Variants in FBXL17 observed in about 807,000 individuals in gnomAD.
The protein encoded by FBXL17 is F-box/LRR-repeat protein 17.
FBXL17 carries 22 observed loss-of-function variants against 66.2 expected under a neutral mutation model. The observed-to-expected ratio is 0.33, with a 90% CI of 0.24 to 0.47. The LOEUF (loss-of-function observed/expected upper bound fraction) is 0.47, where lower values mean the gene tolerates loss of function less well. Among genes scored for constraint, FBXL17 ranks in the 20% least tolerant of loss-of-function variants. The probability of loss-of-function intolerance (pLI) is 1.00; values close to 1 mark genes in which losing one functional copy is unlikely to be tolerated. For missense variants in FBXL17, 878 were observed against 948.2 expected (o/e 0.93, Z 0.97); for synonymous variants, 474 against 400.5 (o/e 1.18, Z -2.19).
chr5:108,125,032 G>A (rs1409473087), intron 6 of FBXL17, among the ~76,000 whole-genome samples: 1 of 151,800 alleles, frequency 6.6e-6, no homozygotes, highest in African/African-American at 2.4e-5. Flanking sequence ...GTTGTTCAAG[G>A]AAAAGGGCTA....
intron 6 of FBXL17, among the ~76,000 whole-genome samples, chr5:108,030,464 A>G (rs567739107): frequency 6.6e-6 from 1 of 152,280 alleles, no homozygotes; most frequent in South Asian, 2.1e-4. Context: ...CATGTCTGAC[A>G]GCCAGCAGAA....
intron 6 of FBXL17, among the ~76,000 whole-genome samples, chr5:108,089,464 T>C (rs941595951): frequency 6.6e-6 from 1 of 152,142 alleles, no homozygotes; most frequent in Non-Finnish European, 1.5e-5. Context: ...CACTCTCCCA[T>C]ACCATCCCCA....
chr5:107,988,875 A>C (rs184009311), intron 7 of FBXL17, among the ~76,000 whole-genome samples: 200 of 152,182 alleles, frequency 1.3e-3, no homozygotes, highest in Middle Eastern at 3.4e-3. Flanking sequence ...TTGGCCAAGA[A>C]AGAATCTTGT....
chr5:108,285,699 T>C (rs1323779770), intron 4 of FBXL17, among the ~76,000 whole-genome samples: 1 of 151,644 alleles, frequency 6.6e-6, no homozygotes, highest in Non-Finnish European at 1.5e-5. Flanking sequence ...TTGAAAACAG[T>C]GGGCTTTGTA....
chr5:108,103,469 A>C (rs930784160), intron 6 of FBXL17, among the ~76,000 whole-genome samples: 2 of 152,234 alleles, frequency 1.3e-5, no homozygotes, highest in Non-Finnish European at 2.9e-5. Flanking sequence ...AGTGGATCCT[A>C]TCGCTGCTAT....
rs140814824 is a variant in FBXL17 at position 108,291,597 on chromosome 5, T to C, written c.1506+56802A>G. On this transcript the variant is annotated intron_variant, in intron 4 of 8. Transcript: ENST00000542267. ...TAACAAACTTAAAAAATGAAAATAA[T>C]GAAGTGAGTTTGGGACCAGTATGCT... 3.6e-3 allele frequency among the ~76,000 whole-genome samples: 542 copies of C among 152,326 alleles called. 1 individual carries two copies. Among genetic ancestry groups the C allele is most frequent in the African/African-American group, 0.012 (518 of 41,568 alleles).
At position 107,881,199 on chromosome 5, in the gene FBXL17, G is replaced by T. The variant is rs1200124946; in HGVS notation, c.1823-20C>A. 6.7e-7 allele frequency: 1 copy of T among 1,492,236 alleles called. No homozygotes were observed. The highest frequency in any genetic ancestry group is 1.4e-5 in the African/African-American group (1 of 72,310). 92.4% of individuals were successfully genotyped at this position (1,492,236 alleles called of 1,614,324 possible). On this transcript the variant is annotated intron_variant, in intron 7 of 8. Transcript: ENST00000542267. ...TCAGTGCTGCAAGAAGGGACGCAGA[G>T]AAAGCATTAATGTTAGCAGTGTAAG...
intron 7 of FBXL17, among the ~76,000 whole-genome samples, chr5:107,978,041 G>C (rs570133350): frequency 5.3e-5 from 8 of 152,270 alleles, no homozygotes; most frequent in African/African-American, 1.7e-4. Context: ...ACAGATTGCT[G>C]GGCCCCATTC....
At chr5:108,034,075 G>C (rs1418518489) in intron 6 of FBXL17, among the ~76,000 whole-genome samples, 2 of 152,152 alleles carry the variant, frequency 1.3e-5, no homozygotes, top group Admixed American at 1.3e-4. Flanking sequence ...TCACATGCTA[G>C]TTCTTTGGGA....
intron 4 of FBXL17, among the ~76,000 whole-genome samples, chr5:108,338,422 A>G (rs1746655448): frequency 6.6e-6 from 1 of 152,156 alleles, no homozygotes; most frequent in African/African-American, 2.4e-5. Flanking sequence ...ATGTTTTATT[A>G]AAGTGAATGA....
At chr5:108,054,768 T>A (rs970152157) in intron 6 of FBXL17, among the ~76,000 whole-genome samples, 4 of 152,200 alleles carry the variant, frequency 2.6e-5, no homozygotes, top group African/African-American at 9.7e-5. Context: ...TTGCTGTCTC[T>A]AGATTGCCAG....
intron 4 of FBXL17, among the ~76,000 whole-genome samples, chr5:108,320,402 G>A (rs911065168): frequency 5.3e-5 from 8 of 151,656 alleles, no homozygotes; most frequent in African/African-American, 1.9e-4. Context: ...TGAATCAAGT[G>A]ATTGTAACTT....
intron 4 of FBXL17, among the ~76,000 whole-genome samples, chr5:108,327,374 ATTGT>A (rs1171683964): frequency 6.6e-6 from 1 of 152,184 alleles, no homozygotes; most frequent in East Asian, 1.9e-4. Context: ...TAACCTTCTT[ATTGT>A]TTAAGCAAAC....
chr5:108,250,945 T>C (rs2150113061), intron 4 of FBXL17, among the ~76,000 whole-genome samples: 1 of 152,210 alleles, frequency 6.6e-6, no homozygotes, highest in African/African-American at 2.4e-5. Flanking sequence ...CAGTATTCTA[T>C]CACATGAAAA....
chr5:108,204,170 C>CATCT (rs1231831815), intron 5 of FBXL17, among the ~76,000 whole-genome samples: 1 of 151,898 alleles, frequency 6.6e-6, no homozygotes, highest in African/African-American at 2.4e-5. Context: ...AATTCTCTAC[C>CATCT]ATCTTAATAG....
chr5:107,958,461 T>G (rs1751754776), intron 7 of FBXL17, among the ~76,000 whole-genome samples: 1 of 152,200 alleles, frequency 6.6e-6, no homozygotes, highest in Non-Finnish European at 1.5e-5. Context: ...ATATAGTTTT[T>G]CCTACTTCCT....
At chr5:108,264,433 C>T (rs115480689) in intron 4 of FBXL17, among the ~76,000 whole-genome samples, 1 of 151,224 alleles carries the variant, frequency 6.6e-6, no homozygotes, top group Non-Finnish European at 1.5e-5. Flanking sequence ...TTTAAACTGG[C>T]CAAAAAAGAG....
chr5:108,124,313 C>A (rs949882196), intron 6 of FBXL17, among the ~76,000 whole-genome samples: 6 of 151,956 alleles, frequency 3.9e-5, no homozygotes, highest in Non-Finnish European at 8.8e-5. Flanking sequence ...CAGAGTGATG[C>A]AGGAAAACTT....
In FBXL17 at chr5:108,340,485, A is replaced by G. The variant is rs376870915; in HGVS notation, c.1506+7914T>C. Among the ~76,000 whole-genome samples the G allele has an allele frequency of 2.6e-4, 40 of 152,310 alleles. 1 individual carries two copies. The Middle Eastern group carries it at 0.01, about 39-fold the overall frequency. On this transcript the variant is annotated intron_variant, in intron 4 of 8. Coordinates refer to ENST00000542267, the MANE Select transcript of FBXL17 (RefSeq NM_001163315.3). ...CCGATTTTATTAACAGTAAGAATGT[A>G]CAAGTCAACATAATTCTGACAAGAA...
Sources: gnomAD v4.1 joint callset for allele counts (sites outside exome capture counted in the v4.1 genomes callset) on GRCh38, gnomAD v4.1.1 for gene constraint, MANE v1.5 for transcripts, NCBI Gene and HGNC (gene_info 2026-07-23, HGNC 2026-07-21) for gene names.